CCDC102B: variants seen among roughly 807,000 people sequenced by gnomAD.
CCDC102B encodes the protein coiled-coil domain-containing protein 102B.
A neutral mutation model predicts 57.4 loss-of-function variants in CCDC102B; 75 were observed. That is an observed-to-expected ratio of 1.31 (90% CI 1.08 to 1.58). CCDC102B has a LOEUF of 1.58. CCDC102B is among the 40% of genes most tolerant of loss of function. The probability of loss-of-function intolerance (pLI) is 0.00; values close to 1 mark genes in which losing one functional copy is unlikely to be tolerated. For missense variants in CCDC102B, 636 were observed against 582.6 expected, an observed-to-expected ratio of 1.09 and a Z score of -0.94; for synonymous variants, 206 against 201.9, an observed-to-expected ratio of 1.02 and a Z score of -0.17.
At chr18:68,930,672 G>C (rs2041639604) in intron 6 of CCDC102B, among the ~76,000 whole-genome samples, 1 of 151,944 alleles carries the variant, frequency 6.6e-6, no homozygotes, top group African/African-American at 2.4e-5. Context: ...TGCTATAACT[G>C]AGAAATTGTG....
At chr18:69,014,148 G>GA (rs910871049) in intron 7 of CCDC102B, among the ~76,000 whole-genome samples, 6 of 151,840 alleles carry the variant, frequency 4.0e-5, no homozygotes, top group African/African-American at 7.3e-5. Context: ...GAATCAAATA[G>GA]AAAAAAAAGA....
At chr18:68,772,056 G>A (rs1399950933) in intron 2 of CCDC102B, among the ~76,000 whole-genome samples, 2 of 152,016 alleles carry the variant, frequency 1.3e-5, no homozygotes, top group Non-Finnish European at 2.9e-5. Flanking sequence ...CATTTCCAAG[G>A]TGAGTGATAA....
chr18:68,816,887 C>T (rs922545014), intron 1 of CCDC102B, among the ~76,000 whole-genome samples: 3 of 152,146 alleles, frequency 2.0e-5, no homozygotes, highest in Non-Finnish European at 4.4e-5. Flanking sequence ...ATCAGTTGGT[C>T]TGCCTTAGTG....
chr18:69,014,810 A>G (rs1599849984), intron 7 of CCDC102B, among the ~76,000 whole-genome samples: 1 of 152,170 alleles, frequency 6.6e-6, no homozygotes, highest in South Asian at 2.1e-4. Flanking sequence ...GGCATTCCAT[A>G]GAACTATAGA....
intron 7 of CCDC102B, among the ~76,000 whole-genome samples, chr18:69,040,681 G>T (rs187490141): frequency 6.6e-6 from 1 of 151,886 alleles, no homozygotes; most frequent in African/African-American, 2.4e-5. Flanking sequence ...GATAAGCAGG[G>T]TTTAAAATAT....
chr18:68,762,827 G>A (rs2034297714), intron 2 of CCDC102B, among the ~76,000 whole-genome samples: 1 of 152,104 alleles, frequency 6.6e-6, no homozygotes, highest in Admixed American at 6.6e-5. Flanking sequence ...AAATTTGTGG[G>A]TGGAAAACAT....
At chr18:68,918,973 G>T (rs1222032291) in intron 6 of CCDC102B, among the ~76,000 whole-genome samples, 1 of 151,954 alleles carries the variant, frequency 6.6e-6, no homozygotes, top group Non-Finnish European at 1.5e-5. Flanking sequence ...TATATAAAAG[G>T]GAAAGAAGGG....
chr18:68,772,263 A>G (rs935363922), intron 2 of CCDC102B, among the ~76,000 whole-genome samples: 13 of 152,128 alleles, frequency 8.5e-5, no homozygotes, highest in African/African-American at 2.9e-4. Flanking sequence ...GAATTTTTGT[A>G]CTGAAATCTT....
chr18:68,840,319 A>C (rs2037574261), intron 3 of CCDC102B, among the ~76,000 whole-genome samples: 1 of 152,142 alleles, frequency 6.6e-6, no homozygotes, highest in Admixed American at 6.6e-5. Flanking sequence ...TGAAATAGGG[A>C]TAAATATGCA....
At chr18:68,724,886 C>T (rs1331376370) in intron 2 of CCDC102B, among the ~76,000 whole-genome samples, 2 of 152,168 alleles carry the variant, frequency 1.3e-5, no homozygotes, top group Non-Finnish European at 2.9e-5. Context: ...TCTATTGGTA[C>T]CAGTTTACTG....
chr18:69,013,225 C>T (rs1263350636), intron 7 of CCDC102B, among the ~76,000 whole-genome samples: 1 of 150,672 alleles, frequency 6.6e-6, no homozygotes, highest in Non-Finnish European at 1.5e-5. Flanking sequence ...CCTTTTGCAA[C>T]AACATAGATG....
intron 1 of CCDC102B, among the ~76,000 whole-genome samples, chr18:68,814,553 A>G (rs891442789): frequency 6.6e-6 from 1 of 152,100 alleles, no homozygotes; most frequent in African/African-American, 2.4e-5. Context: ...TAGTCATATT[A>G]TTTTCAAAGG....
intron 2 of CCDC102B, among the ~76,000 whole-genome samples, chr18:68,765,365 GAAAGAAAGAAAGA>G (rs1218203545): frequency 1.4e-4 from 17 of 118,850 alleles, no homozygotes; most frequent in African/African-American, 4.6e-4. Context: ...AAGAAAGAAA[GAAAGAAAGAAAGA>G]AAAGAAAGAA....
intron 6 of CCDC102B, among the ~76,000 whole-genome samples, chr18:68,951,301 G>A (rs978499764): frequency 6.6e-6 from 1 of 152,078 alleles, no homozygotes; most frequent in Non-Finnish European, 1.5e-5. Flanking sequence ...TGAAGATTCC[G>A]AGTCCATCTC....
intron 7 of CCDC102B, among the ~76,000 whole-genome samples, chr18:69,051,002 A>G (rs374037852): frequency 2.8e-4 from 42 of 152,080 alleles, no homozygotes; most frequent in African/African-American, 9.7e-4. Flanking sequence ...TTCCTGCCTC[A>G]GCTTACCAAG....
chr18:68,776,964 T>C (rs183274746), intron 2 of CCDC102B, among the ~76,000 whole-genome samples: 56 of 152,354 alleles, frequency 3.7e-4, no homozygotes, highest in Admixed American at 2.3e-3. Context: ...ACTTATATAT[T>C]GTGTCTCTGT....
chr18:68,758,613 G>A (rs767812699), intron 2 of CCDC102B, among the ~76,000 whole-genome samples: 23 of 151,802 alleles, frequency 1.5e-4, no homozygotes, highest in Admixed American at 9.2e-4. Flanking sequence ...AATGGTGCTG[G>A]AGCTTAGGAT....
At chr18:68,744,107 C>T (rs115397096) in intron 2 of CCDC102B, among the ~76,000 whole-genome samples, 116 of 152,168 alleles carry the variant, frequency 7.6e-4, no homozygotes, top group Middle Eastern at 3.4e-3. Context: ...ATTTTATTAT[C>T]AGAACATGTT....
chr18:69,044,996 C>A (rs2052524621), intron 7 of CCDC102B, among the ~76,000 whole-genome samples: 1 of 152,028 alleles, frequency 6.6e-6, no homozygotes, highest in East Asian at 1.9e-4. Flanking sequence ...CTTGCTGAGA[C>A]CTTGCATCAC....
Sources: allele counts gnomAD v4.1 joint callset (sites outside exome capture counted in the v4.1 genomes callset), GRCh38; gene constraint gnomAD v4.1.1; transcripts MANE v1.5; gene names NCBI Gene and HGNC (gene_info 2026-07-23, HGNC 2026-07-21).